The following AFAP1 variants were observed in gnomAD, a reference collection of about 807,000 sequenced individuals.
AFAP1 encodes the protein actin filament associated protein 1, also known as actin filament-associated protein 1.
In AFAP1, 75 loss-of-function variants were observed where a neutral mutation model predicts 93.9. That is an observed-to-expected ratio of 0.80 (90% CI 0.66 to 0.97). The LOEUF (loss-of-function observed/expected upper bound fraction) is 0.97, where lower values mean the gene tolerates loss of function less well. AFAP1 is among the 50% of genes least tolerant of loss of function. The probability of loss-of-function intolerance (pLI) is 0.00; values close to 1 mark genes in which losing one functional copy is unlikely to be tolerated. For synonymous variants in AFAP1, 517 were observed against 430.7 expected (o/e 1.20, Z -2.48); for missense variants, 1,201 against 1,050.8 (o/e 1.14, Z -1.98).
chr4:7,859,933 G>GGA (rs1475589448), intron 3 of AFAP1, among the ~76,000 whole-genome samples: 1 of 151,972 alleles, frequency 6.6e-6, no homozygotes, highest in Non-Finnish European at 1.5e-5. Context: ...CTTAAAGCCA[G>GGA]GAGCTCAAGA....
At chr4:7,812,236 T>C in intron 8 of AFAP1, among the ~76,000 whole-genome samples, 1 of 152,002 alleles carries the variant, frequency 6.6e-6, no homozygotes, top group East Asian at 1.9e-4. Context: ...ACAGCCCGAG[T>C]GCCCGGGGCA....
chr4:7,801,028 G>T (rs978758265), intron 9 of AFAP1, among the ~76,000 whole-genome samples: 2 of 152,200 alleles, frequency 1.3e-5, no homozygotes, highest in Admixed American at 1.3e-4. Flanking sequence ...CTTCAAACTG[G>T]AAACCGATTT....
At chr4:7,811,319 C>T (rs1259368824) in intron 8 of AFAP1, among the ~76,000 whole-genome samples, 5 of 152,280 alleles carry the variant, frequency 3.3e-5, no homozygotes, top group African/African-American at 4.8e-5. Context: ...CCACCCCCAC[C>T]GCAGGAACAA....
rs1286509392 is a variant in AFAP1 at position 7,781,369 on chromosome 4, GCCGTA to G, written c.1782+2_1782+6del. 6.4e-7 allele frequency: 1 copy of G among 1,551,126 alleles called. No individual in the cohort carries two copies. Among genetic ancestry groups the G allele is most frequent in the Non-Finnish European group, 8.7e-7 (1 of 1,146,498 alleles). On this transcript the variant is annotated splice_donor_variant and splice_donor_5th_base_variant and intron_variant, in intron 13 of 17. Coordinates refer to ENST00000420658, the MANE Select transcript of AFAP1 (RefSeq NM_001134647.2). LOFTEE classifies it high-confidence loss of function. ...GTTCTAGAATCTTACAGAAGAAGAT[GCCGTA>G]CCTGCGAGTTGAGCCCGAGAGACGC...
rs190051086 is a variant in AFAP1 at position 7,871,377 on chromosome 4, T to C, written c.127+575A>G. ...TGCTGAAACCCTGCCTGTCCTGGAATTCTGGTGTGTGATAGGCAGAGGGTG... is the reference window on the plus strand; with the variant it reads ...TGCTGAAACCCTGCCTGTCCTGGAACTCTGGTGTGTGATAGGCAGAGGGTG... On this transcript the variant is annotated intron_variant, in intron 2 of 17. Transcript: ENST00000420658. Among the ~76,000 whole-genome samples the C allele has an allele frequency of 1.8e-3, 274 of 152,282 alleles. 1 individual carries two copies. The highest frequency in any genetic ancestry group is 6.4e-3 in the African/African-American group (267 of 41,552).
intron 9 of AFAP1, among the ~76,000 whole-genome samples, chr4:7,804,781 G>C (rs1441453455): frequency 6.6e-6 from 1 of 152,212 alleles, no homozygotes; most frequent in Non-Finnish European, 1.5e-5. Flanking sequence ...ACTTTTGAGA[G>C]ACGTTTTATC....
At chr4:7,830,150 C>T (rs1378896272) in intron 6 of AFAP1, among the ~76,000 whole-genome samples, 18 of 151,944 alleles carry the variant, frequency 1.2e-4, no homozygotes, top group Admixed American at 8.5e-4. Context: ...TTCTATGGGG[C>T]GGGGCGAGGG....
chr4:7,818,564 C>T (rs1720689202), intron 7 of AFAP1, among the ~76,000 whole-genome samples: 1 of 152,182 alleles, frequency 6.6e-6, no homozygotes, highest in Non-Finnish European at 1.5e-5. Flanking sequence ...AGAGCAGGGC[C>T]TGCGGCGTCA....
intron 1 of AFAP1, among the ~76,000 whole-genome samples, chr4:7,938,786 TA>T (rs1035166930): frequency 2.0e-5 from 3 of 152,032 alleles, no homozygotes; most frequent in Non-Finnish European, 4.4e-5. Flanking sequence ...CTCCGGGCAG[TA>T]GGGCCCTGCT....
rs112803360 is a variant in AFAP1 at position 7,920,229 on chromosome 4, A to C, written c.-3+19427T>G. 1.5e-3 allele frequency among the ~76,000 whole-genome samples: 225 copies of C among 152,318 alleles called. 1 individual carries two copies. The highest frequency in any genetic ancestry group is 5.2e-3 in the African/African-American group (215 of 41,564). On this transcript the variant is annotated intron_variant, in intron 1 of 17. Coordinates refer to ENST00000420658, the MANE Select transcript of AFAP1 (RefSeq NM_001134647.2). ...GAGGAATCGCCACACTGTCTTCCAC[A>C]ACAGTTGAACTAATTTACATTCCCA...
chr4:7,892,929 C>A (rs548424697), intron 1 of AFAP1, among the ~76,000 whole-genome samples: 6 of 152,202 alleles, frequency 3.9e-5, no homozygotes, highest in South Asian at 4.2e-4. Flanking sequence ...GAGAAAAAGA[C>A]CATCAAGAGA....
chr4:7,808,160 A>G (rs1378728541), intron 9 of AFAP1, among the ~76,000 whole-genome samples: 1 of 152,238 alleles, frequency 6.6e-6, no homozygotes, highest in Non-Finnish European at 1.5e-5. Context: ...ATAGTACACA[A>G]GGAAAATGAC....
At chr4:7,818,896 G>A (rs533943844) in intron 7 of AFAP1, among the ~76,000 whole-genome samples, 180 bp downstream of exon 7, 1 of 152,346 alleles carries the variant, frequency 6.6e-6, no homozygotes, top group Admixed American at 6.5e-5. Context: ...TACACAGTCT[G>A]TAAAATGACT....
chr4:7,800,100 G>C (rs964535471), intron 10 of AFAP1, among the ~76,000 whole-genome samples: 1 of 152,188 alleles, frequency 6.6e-6, no homozygotes, highest in South Asian at 2.1e-4. Flanking sequence ...TTTTCCAGGT[G>C]CTTTAGAAAA....
chr4:7,931,396 GTT>G (rs1275396593), intron 1 of AFAP1, among the ~76,000 whole-genome samples: 10 of 151,926 alleles, frequency 6.6e-5, no homozygotes, highest in African/African-American at 2.2e-4. Context: ...ATGGTTTTTT[GTT>G]TTTGTTTTTC....
Position 7,774,874 on chromosome 4 carries a change from G to A in AFAP1, c.1927C>T (p.Arg643Trp), listed in dbSNP as rs746087253. ...AGCCGCTTGGCATCTGCTTCTACCC[G>A]GTTCTTGCCATACTTGTACTGGGCA... Reference protein sequence around the residue: ...NAAQYKYGKNRVEADAKRLQT... With the variant: ...NAAQYKYGKNWVEADAKRLQT... The change falls in exon 15 of 18, where the codon CGG (arginine) becomes TGG (tryptophan). Residue 643 changes from arginine (R) to tryptophan (W), a missense_variant. Coordinates refer to ENST00000420658, the MANE Select transcript of AFAP1 (RefSeq NM_001134647.2). 1.1e-5 allele frequency: 17 copies of A among 1,613,948 alleles called. No homozygotes were observed. Among genetic ancestry groups the A allele is most frequent in the East Asian group, 6.7e-5 (3 of 44,888 alleles).
At chr4:7,784,628 C>T (rs1453946096) in intron 12 of AFAP1, among the ~76,000 whole-genome samples, 1 of 152,110 alleles carries the variant, frequency 6.6e-6, no homozygotes, top group Non-Finnish European at 1.5e-5. Flanking sequence ...CCACAGGAAC[C>T]CCAGGGCAGG....
rs1387151312 is a variant in AFAP1 at position 7,871,947 on chromosome 4, C to T, written c.127+5G>A. 2 of 1,614,072 alleles carry T rather than the reference C, an allele frequency of 1.2e-6. No homozygotes were observed. Among genetic ancestry groups the T allele is most frequent in the South Asian group, 1.1e-5 (1 of 91,028 alleles). On this transcript the variant is annotated splice_donor_5th_base_variant and intron_variant, in intron 2 of 17. Coordinates refer to ENST00000420658, the MANE Select transcript of AFAP1 (RefSeq NM_001134647.2). ...AGGAAAAGCAGGCGTCAGAATGAGA[C>T]TCACCTTTGGATGACTGTATTCTTA...
intron 1 of AFAP1, among the ~76,000 whole-genome samples, chr4:7,908,496 T>C (rs1481563706): frequency 1.3e-5 from 2 of 152,212 alleles, no homozygotes; most frequent in Non-Finnish European, 2.9e-5. Flanking sequence ...CAAAATTGAT[T>C]TAATTGATTT....
Sources: allele counts gnomAD v4.1 joint callset (sites outside exome capture counted in the v4.1 genomes callset), GRCh38; gene constraint gnomAD v4.1.1; transcripts MANE v1.5; gene names NCBI Gene and HGNC (gene_info 2026-07-23, HGNC 2026-07-21).